Variants in ABLIM1 observed in about 807,000 individuals in gnomAD.
ABLIM1 encodes the protein actin binding LIM protein 1, also known as actin-binding LIM protein 1.
ABLIM1 carries 40 observed loss-of-function variants against 107.0 expected under a neutral mutation model. The observed-to-expected ratio is 0.37, with a 90% CI of 0.29 to 0.49. The LOEUF is 0.49. Ranked by LOEUF, ABLIM1 falls within the 20% of genes least tolerant of loss-of-function variation. The pLI is 0.97. For missense variants in ABLIM1, 857 were observed against 1,008.5 expected (o/e 0.85, Z 2.04); for synonymous variants, 357 against 357.3 (o/e 1.00, Z 0.01).
At chr10:114,661,895 T>C (rs371254712), upstream of ABLIM1, among the ~76,000 whole-genome samples, 1 of 152,190 alleles carries the variant, frequency 6.6e-6, no homozygotes, top group Non-Finnish European at 1.5e-5. Flanking sequence ...AAACACCTGA[T>C]GTGATGAGCC....
At position 114,464,832 on chromosome 10, in the gene ABLIM1, A is replaced by C. The variant is rs150072025; in HGVS notation, c.1441+866T>G. 6.5e-3 allele frequency among the ~76,000 whole-genome samples: 991 copies of C among 152,334 alleles called. 8 individuals are homozygous for C. The highest frequency in any genetic ancestry group is 0.021 in the African/African-American group (874 of 41,574). On this transcript the variant is annotated intron_variant, in intron 12 of 22. Coordinates refer to ENST00000533213, the MANE Select transcript of ABLIM1 (RefSeq NM_002313.7). ...TGCTCTCATCTATGCGTCCAGAAGC[A>C]AGAAGCTTAACATGAAGTCTTCACA...
At chr10:114,574,101 A>G (rs1404575682) in intron 3 of ABLIM1, among the ~76,000 whole-genome samples, 1 of 152,218 alleles carries the variant, frequency 6.6e-6, no homozygotes, top group East Asian at 1.9e-4. Context: ...AATTAATTAC[A>G]CAATATTGAA....
the ABLIM1 span, chr10:114,776,064 G>A: frequency 1.3e-5 from 2 of 152,220 alleles, no homozygotes; most frequent in Non-Finnish European, 2.9e-5. Flanking sequence ...ACAATATAGA[G>A]GGGTATGAGG....
upstream of ABLIM1, among the ~76,000 whole-genome samples, chr10:114,686,830 T>C (rs2080951544): frequency 6.6e-6 from 1 of 152,002 alleles, no homozygotes; most frequent in South Asian, 2.1e-4. Context: ...TCTCCCTATA[T>C]TGCCCAGGCT....
rs77066697 is a variant in ABLIM1, at chr10:114,547,455, C to G, written c.800+195G>C. On this transcript the variant is annotated intron_variant, in intron 5 of 22. Transcript: ENST00000533213. ...TTAAATTAGGCAATGATTAACATAT[C>G]ATTAGGTTTATAGTAGCCAAGGCAA... The G allele has an allele frequency of 7.3e-3, 4,691 of 645,096 alleles. 173 individuals carry two copies. The African/African-American group carries it at 0.074, about 10-fold the overall frequency. 40.0% of individuals were successfully genotyped at this position (645,096 alleles called of 1,614,324 possible).
Position 114,743,709 on chromosome 10 carries a change from C to G in ABLIM1, c.-213+24352G>C, listed in dbSNP as rs374046599. On this transcript the variant is annotated intron_variant, in intron 1 of 15. Coordinates refer to the ABLIM1 transcript ENST00000651092. ...CCTCAAAGTTGTGTTAAAGATCCAG[C>G]CTGGCTGAGCGAGACTGTCAGCTGT... 1.3e-3 allele frequency among the ~76,000 whole-genome samples: 192 copies of G among 152,288 alleles called. 1 individual carries two copies. The highest frequency in any genetic ancestry group is 4.5e-3 in the African/African-American group (185 of 41,560).
At chr10:114,467,900 G>C (rs1165381526) in intron 11 of ABLIM1, among the ~76,000 whole-genome samples, 1 of 152,180 alleles carries the variant, frequency 6.6e-6, no homozygotes, top group Non-Finnish European at 1.5e-5. Flanking sequence ...ATTGGGACAA[G>C]TGACTTATGT....
intron 1 of ABLIM1, among the ~76,000 whole-genome samples, chr10:114,760,017 T>C (rs2082711269): frequency 6.6e-6 from 1 of 152,190 alleles, no homozygotes; most frequent in South Asian, 2.1e-4. Context: ...TTTAATCTTT[T>C]TCCACCCAAA....
chr10:114,517,895 C>T (rs958863031), intron 6 of ABLIM1, among the ~76,000 whole-genome samples: 1 of 152,076 alleles, frequency 6.6e-6, no homozygotes, highest in Non-Finnish European at 1.5e-5. Context: ...CGTGGATGTG[C>T]CCACCAGACA....
intron 3 of ABLIM1, among the ~76,000 whole-genome samples, chr10:114,572,567 C>T (rs540214766): frequency 1.3e-5 from 2 of 152,284 alleles, no homozygotes; most frequent in East Asian, 3.9e-4. Flanking sequence ...TTCGGCAGTA[C>T]AGTGAAGGCT....
upstream of ABLIM1, among the ~76,000 whole-genome samples, chr10:114,769,093 G>A (rs1189417580): frequency 6.7e-6 from 1 of 149,168 alleles, no homozygotes. Context: ...CAGCACTTTG[G>A]GAGGCTGAGG....
chr10:114,725,805 T>C (rs1198350291), intron 1 of ABLIM1, among the ~76,000 whole-genome samples: 2 of 150,636 alleles, frequency 1.3e-5, no homozygotes, highest in East Asian at 2.0e-4. Flanking sequence ...GGCTCAGTGG[T>C]GCAATCACAG....
chr10:114,735,026 G>A (rs2082150404), intron 1 of ABLIM1, among the ~76,000 whole-genome samples: 2 of 152,190 alleles, frequency 1.3e-5, no homozygotes, highest in Admixed American at 6.5e-5. Context: ...AAGTTAGCAA[G>A]TACAGCCTTG....
intron 2 of ABLIM1, among the ~76,000 whole-genome samples, chr10:114,586,250 AAC>A (rs1167988710): frequency 8.0e-6 from 1 of 124,916 alleles, no homozygotes; most frequent in Admixed American, 7.6e-5. Context: ...TCAATAACCT[AAC>A]AGACAATTTC....
chr10:114,699,213 GA>G (rs10707827), intron 1 of ABLIM1, among the ~76,000 whole-genome samples: 31,291 of 149,682 alleles, frequency 0.21, 4,470 homozygotes, highest in African/African-American at 0.41. Flanking sequence ...AAAATTTTGA[GA>G]AAAAAAAAGG....
chr10:114,559,438 C>CAAAAAAAAAA (rs72456292), intron 4 of ABLIM1, among the ~76,000 whole-genome samples: 50 of 49,254 alleles, frequency 1.0e-3, no homozygotes, highest in African/African-American at 1.5e-3. Context: ...ACTCGTCTCT[C>CAAAAAAAAAA]AAAAAAAAAA....
the ABLIM1 span, among the ~76,000 whole-genome samples, chr10:114,794,909 A>C: frequency 1.3e-5 from 2 of 152,322 alleles, no homozygotes; most frequent in South Asian, 2.1e-4. Flanking sequence ...TATGACAGCA[A>C]ATTAACTTCC....
chr10:114,599,046 C>T (rs1020722419), intron 2 of ABLIM1, among the ~76,000 whole-genome samples: 1 of 152,048 alleles, frequency 6.6e-6, no homozygotes, highest in Non-Finnish European at 1.5e-5. Flanking sequence ...GCATGGGGAA[C>T]CTAAACCACT....
intron 15 of ABLIM1, 119 bp downstream of exon 15, chr10:114,447,761 G>T: frequency 2.2e-6 from 3 of 1,384,164 alleles, no homozygotes; most frequent in Non-Finnish European, 3.0e-6. Flanking sequence ...GCTACCTCTT[G>T]GTCATACTTT....
Sources: gnomAD v4.1 joint callset for allele counts (sites outside exome capture counted in the v4.1 genomes callset) on GRCh38, gnomAD v4.1.1 for gene constraint, MANE v1.5 for transcripts, NCBI Gene and HGNC (gene_info 2026-07-23, HGNC 2026-07-21) for gene names.